Variants in ANP32B observed in about 807,000 individuals in gnomAD.
ANP32B encodes acidic leucine-rich nuclear phosphoprotein 32 family member B.
ANP32B carries 6 observed loss-of-function variants against 32.2 expected under a neutral mutation model. The observed-to-expected ratio is 0.19, with a 90% CI of 0.10 to 0.37. The LOEUF is 0.37. Among genes scored for constraint, ANP32B ranks in the 10% least tolerant of loss-of-function variants. ANP32B has a pLI of 1.00. For synonymous variants in ANP32B, 98 were observed against 105.8 expected, an observed-to-expected ratio of 0.93 and a Z score of 0.45; for missense variants, 204 against 289.2, an observed-to-expected ratio of 0.71 and a Z score of 2.14.
intron 4 of ANP32B, among the ~76,000 whole-genome samples, chr9:98,005,744 T>C (rs1291332272): frequency 2.0e-5 from 3 of 152,172 alleles, no homozygotes. Context: ...TCCTGAAGTC[T>C]ACAAGCTAAG....
chr9:98,001,271 A>G (rs865904585), intron 3 of ANP32B, among the ~76,000 whole-genome samples: 39 of 149,954 alleles, frequency 2.6e-4, no homozygotes, highest in Middle Eastern at 3.4e-3. Context: ...GGCTCATTGC[A>G]AGCTCCGCCT....
chr9:97,983,827 A>G (rs1048973864), intron 1 of ANP32B, among the ~76,000 whole-genome samples: 4 of 151,426 alleles, frequency 2.6e-5, no homozygotes, highest in Non-Finnish European at 5.9e-5. Flanking sequence ...GGGGGGAGGC[A>G]GCGGTGTGGG....
intron 1 of ANP32B, among the ~76,000 whole-genome samples, chr9:97,990,714 G>A (rs777081832): frequency 6.6e-6 from 1 of 151,382 alleles, no homozygotes; most frequent in Non-Finnish European, 1.5e-5. Context: ...CTACATCTGT[G>A]TCCATCCTAG....
chr9:97,983,710 G>C, intron 1 of ANP32B, 101 bp downstream of exon 1: 3 of 978,470 alleles, frequency 3.1e-6, no homozygotes, highest in South Asian at 2.2e-5. Flanking sequence ...CCCGGCGCGG[G>C]GAAGAGCGCA....
intron 1 of ANP32B, 78 bp downstream of exon 1, chr9:97,983,687 A>C: frequency 8.2e-7 from 1 of 1,222,080 alleles, no homozygotes; most frequent in East Asian, 3.1e-5. Context: ...GCCCGGGCTG[A>C]GGGTTCGCCG....
chr9:98,008,289 GA>G (rs1828121895), intron 4 of ANP32B, among the ~76,000 whole-genome samples: 1 of 152,134 alleles, frequency 6.6e-6, no homozygotes, highest in African/African-American at 2.4e-5. Context: ...AGTGATTTTT[GA>G]AAGAGAGTGA....
At chr9:97,991,827 A>G (rs1184991057) in intron 1 of ANP32B, among the ~76,000 whole-genome samples, 1 of 152,220 alleles carries the variant, frequency 6.6e-6, no homozygotes, top group Admixed American at 6.5e-5. Flanking sequence ...TTCAACACGA[A>G]GGATTGTAAA....
chr9:97,983,494 G>A lies in ANP32B; in HGVS notation c.-62G>A. 2.8e-6 allele frequency: 4 copies of A among 1,431,502 alleles called. No homozygotes were observed. The highest frequency in any genetic ancestry group is 3.8e-6 in the Non-Finnish European group (4 of 1,049,482). The allele number at this position is 1,431,502 out of a possible 1,614,324, so 88.7% of individuals were successfully genotyped here. A position where few individuals can be genotyped will look rare whatever the true frequency, so the allele number is the denominator to read the frequency against. On this transcript the variant is annotated 5_prime_UTR_variant, in exon 1 of 7. Transcript: ENST00000339399. ...CGGCCCTCGCTGCGCAAGCCGGGAC[G>A]CCTCTCCCCCCTCCGCCCCCGCCGC...
At chr9:98,012,805 A>G (rs1828210684) in intron 6 of ANP32B, among the ~76,000 whole-genome samples, 1 of 152,174 alleles carries the variant, frequency 6.6e-6, no homozygotes. Flanking sequence ...ATCTCGGCTC[A>G]CTGCAAGTTC....
At chr9:98,014,382 TG>T (rs1043968493) in intron 6 of ANP32B, among the ~76,000 whole-genome samples, 4 of 151,780 alleles carry the variant, frequency 2.6e-5, no homozygotes, top group Non-Finnish European at 4.4e-5. Flanking sequence ...CACTCCAGCC[TG>T]GGCGACGGAG....
chr9:97,992,463 A>G (rs573930833), intron 1 of ANP32B, among the ~76,000 whole-genome samples: 39 of 152,332 alleles, frequency 2.6e-4, no homozygotes, highest in Admixed American at 1.4e-3. Context: ...GTTCAAGTGG[A>G]ATTTTGCAAG....
intron 2 of ANP32B, among the ~76,000 whole-genome samples, chr9:97,997,885 G>A (rs1374611404): frequency 6.6e-6 from 1 of 152,188 alleles, no homozygotes; most frequent in Non-Finnish European, 1.5e-5. Context: ...TTACTTGCCT[G>A]TGCTACTTGA....
At chr9:97,988,354 C>T (rs1049462477) in intron 1 of ANP32B, among the ~76,000 whole-genome samples, 2 of 152,182 alleles carry the variant, frequency 1.3e-5, no homozygotes, top group African/African-American at 4.8e-5. Context: ...TTTAAATACC[C>T]ACCAGTAGAA....
Position 98,015,598 on chromosome 9 carries a change from A to G in ANP32B, c.*167A>G, listed in dbSNP as rs1483821175. ...TCCTGTGACATTCCGCCTTCCTTCC[A>G]TGTAGTCCCTCTTGGTAATCTACCA... On this transcript the variant is annotated 3_prime_UTR_variant, in exon 7 of 7. Coordinates refer to ENST00000339399, the MANE Select transcript of ANP32B (RefSeq NM_006401.3). 14 of 1,345,452 alleles carry G rather than the reference A, an allele frequency of 1.0e-5. No individual in the cohort carries two copies. Among genetic ancestry groups the G allele is most frequent in the Admixed American group, 6.4e-5 (2 of 31,444 alleles). The allele number at this position is 1,345,452 out of a possible 1,614,324, so 83.3% of individuals were successfully genotyped here.
chr9:97,986,824 T>C (rs756723534), intron 1 of ANP32B: 1 of 152,374 alleles, frequency 6.6e-6, no homozygotes, highest in Admixed American at 6.5e-5. Flanking sequence ...CCCTGAAATA[T>C]ACAGCAGTGT....
At chr9:98,014,331 C>T (rs371429805) in intron 6 of ANP32B, among the ~76,000 whole-genome samples, 1 of 151,912 alleles carries the variant, frequency 6.6e-6, no homozygotes, top group African/African-American at 2.4e-5. Flanking sequence ...CGGCATGAAC[C>T]CGGGAGGCGG....
At chr9:98,013,621 G>T (rs1278166480) in intron 6 of ANP32B, among the ~76,000 whole-genome samples, 1 of 152,088 alleles carries the variant, frequency 6.6e-6, no homozygotes, top group Non-Finnish European at 1.5e-5. Flanking sequence ...AGCTGGGACC[G>T]GGTGTGGTGA....
intron 1 of ANP32B, among the ~76,000 whole-genome samples, chr9:97,990,541 C>G (rs537111870): frequency 1.3e-5 from 2 of 152,310 alleles, no homozygotes; most frequent in South Asian, 2.1e-4. Context: ...TCTTTACATT[C>G]TCAGCCTTTC....
chr9:98,015,290 TG>T, intron 6 of ANP32B, 73 bp from the exon 7 acceptor site: 1 of 1,532,268 alleles, frequency 6.5e-7, no homozygotes, highest in Non-Finnish European at 8.8e-7. Context: ...ACTTTGTTGT[TG>T]TTGCCTCCAT....
Sources: gnomAD v4.1 joint callset for allele counts (sites outside exome capture counted in the v4.1 genomes callset) on GRCh38, gnomAD v4.1.1 for gene constraint, MANE v1.5 for transcripts, NCBI Gene and HGNC (gene_info 2026-07-23, HGNC 2026-07-21) for gene names.